Variants in DNAH12 observed in about 807,000 individuals in gnomAD.
The protein encoded by DNAH12 is dynein axonemal heavy chain 12, also known as axonemal beta dynein heavy chain 12.
DNAH12 carries 285 observed loss-of-function variants against 371.5 expected under a neutral mutation model. That is an observed-to-expected ratio of 0.77 (90% confidence interval 0.70 to 0.85). The LOEUF is 0.85. DNAH12 is among the 40% of genes least tolerant of loss of function. DNAH12 has a pLI of 0.00. For synonymous variants in DNAH12, 1,200 were observed against 1,213.0 expected, an observed-to-expected ratio of 0.99 and a Z score of 0.22; for missense variants, 3,611 against 3,689.4, an observed-to-expected ratio of 0.98 and a Z score of 0.55.
chr3:57,412,444 A>AC (rs1312271866), intron 39 of DNAH12, among the ~76,000 whole-genome samples: 1 of 152,238 alleles, frequency 6.6e-6, no homozygotes, highest in Non-Finnish European at 1.5e-5. Context: ...GAGAAACTGG[A>AC]CTTCATTAAA....
chr3:57,390,424 A>AAAAAAAAAAATATATATATATATATATAT, intron 45 of DNAH12, among the ~76,000 whole-genome samples: 3 of 33,438 alleles, frequency 9.0e-5, no homozygotes, highest in Non-Finnish European at 1.4e-4. Flanking sequence ...AAAAAAAAAA[A>AAAAAAAAAAATATATATATATATATATAT]ATATATATAT....
chr3:57,422,619 A>C (rs925582794), intron 35 of DNAH12, among the ~76,000 whole-genome samples: 8 of 152,256 alleles, frequency 5.3e-5, no homozygotes, highest in African/African-American at 1.7e-4. Flanking sequence ...CCTGGGCAAC[A>C]TAGTAAGACC....
intron 60 of DNAH12, among the ~76,000 whole-genome samples, chr3:57,349,052 T>TGGGAGA (rs1228825142): frequency 6.6e-6 from 1 of 151,454 alleles, no homozygotes; most frequent in Non-Finnish European, 1.5e-5. Flanking sequence ...ATCCACAGAG[T>TGGGAGA]GGGAGAAAAT....
In DNAH12 at chr3:57,523,705, A is replaced by G. The variant is rs886568899; in HGVS notation, c.253-96T>C. Reference sequence around the variant, plus strand: ...TTAAATATATAGTTTAAATATATCTATTATTCCTTTTAAAAACATCAGTTA... The same window carrying G: ...TTAAATATATAGTTTAAATATATCTGTTATTCCTTTTAAAAACATCAGTTA... On this transcript the variant is annotated intron_variant, in intron 3 of 73. Transcript: ENST00000495027. 3.5e-5 allele frequency: 45 copies of G among 1,285,430 alleles called. No individual in the cohort carries two copies. In the African/African-American group the frequency reaches 6.3e-4, roughly 18 times the overall value. The allele number at this position is 1,285,430 out of a possible 1,614,324, so 79.6% of individuals were successfully genotyped here.
chr3:57,429,630 T>C (rs527917748), intron 33 of DNAH12, 61 bp downstream of exon 33: 15 of 1,433,274 alleles, frequency 1.0e-5, no homozygotes, highest in African/African-American at 8.7e-5. Context: ...AAAATACTTA[T>C]TGGCTAAATT....
Position 57,507,848 on chromosome 3 carries a change from A to T in DNAH12, c.702-10T>A. The T allele has an allele frequency of 6.4e-7, 1 of 1,555,998 alleles. No homozygotes were observed. The highest frequency in any genetic ancestry group is 8.6e-7 in the Non-Finnish European group (1 of 1,162,586). On this transcript the variant is annotated splice_polypyrimidine_tract_variant and intron_variant, in intron 7 of 73. Transcript: ENST00000495027. ...AATTGGACCTTTAGCTCTATTTATG[A>T]GAAAAAGAAATGTGATTTGAAGCAA...
At chr3:57,471,931 C>T (rs1216536920) in intron 14 of DNAH12, among the ~76,000 whole-genome samples, 4 of 152,012 alleles carry the variant, frequency 2.6e-5, no homozygotes, top group Non-Finnish European at 5.9e-5. Context: ...TATATTATTA[C>T]TGGTATTATT....
rs142106368 is a variant in DNAH12 at position 57,348,566 on chromosome 3, T to G, written c.9674+3519A>C. 5.2e-3 allele frequency among the ~76,000 whole-genome samples: 790 copies of G among 152,268 alleles called. 9 individuals carry two copies. Among genetic ancestry groups the G allele is most frequent in the African/African-American group, 0.018 (765 of 41,548 alleles). On this transcript the variant is annotated intron_variant, in intron 60 of 73. Coordinates refer to ENST00000495027, the MANE Select transcript of DNAH12 (RefSeq NM_001366028.2). ...CAAATATATCACTCTGGTAAGGGGTTTTGTTAGTGCAGGAGGTTGTACATA... is the reference window on the plus strand; with the variant it reads ...CAAATATATCACTCTGGTAAGGGGTGTTGTTAGTGCAGGAGGTTGTACATA...
At chr3:57,296,718 G>T in intron 71 of DNAH12, 129 bp downstream of exon 71, 1 of 1,140,254 alleles carries the variant, frequency 8.8e-7, no homozygotes, top group Non-Finnish European at 1.2e-6. Context: ...CTAAGGGATA[G>T]CAAGACAAAT....
At position 57,300,054 on chromosome 3, in the gene DNAH12, T is replaced by C. The variant is rs1349669463; in HGVS notation, c.11394+1681A>G. On this transcript the variant is annotated intron_variant, in intron 70 of 73. Coordinates refer to ENST00000495027, the MANE Select transcript of DNAH12 (RefSeq NM_001366028.2). ...GCCTGTAGCCCGAGCAGCACCACCTTGTTCTGCATAGCCCCTCTAGTACCA... is the reference window on the plus strand; with the variant it reads ...GCCTGTAGCCCGAGCAGCACCACCTCGTTCTGCATAGCCCCTCTAGTACCA... Among the ~76,000 whole-genome samples the C allele has an allele frequency of 3.3e-5, 5 of 152,184 alleles. No individual in the cohort carries two copies. The South Asian group carries it at 8.3e-4, about 25-fold the overall frequency.
chr3:57,458,048 C>T (rs1284817998), intron 21 of DNAH12, 45 bp from the exon 22 acceptor site: 1 of 1,537,914 alleles, frequency 6.5e-7, no homozygotes, highest in African/African-American at 1.4e-5. Context: ...TATAATTCAT[C>T]ACACATAAGA....
chr3:57,370,065 T>C (rs1403400680), intron 55 of DNAH12, among the ~76,000 whole-genome samples: 1 of 152,184 alleles, frequency 6.6e-6, no homozygotes, highest in Non-Finnish European at 1.5e-5. Flanking sequence ...ACATTTGAGA[T>C]CTTTGAGCAG....
intron 36 of DNAH12, among the ~76,000 whole-genome samples, chr3:57,420,037 T>C (rs551042425): frequency 6.6e-6 from 1 of 152,320 alleles, no homozygotes; most frequent in Non-Finnish European, 1.5e-5. Context: ...TTTGTTTCTC[T>C]AACATTATTC....
chr3:57,316,465 G>A (rs925449875), intron 65 of DNAH12, among the ~76,000 whole-genome samples: 5 of 152,062 alleles, frequency 3.3e-5, no homozygotes, highest in African/African-American at 9.7e-5. Flanking sequence ...CTTCCATGAA[G>A]CTTTTTTTCA....
intron 59 of DNAH12, among the ~76,000 whole-genome samples, chr3:57,353,586 C>G (rs1191998923): frequency 3.9e-5 from 6 of 152,110 alleles, no homozygotes; most frequent in African/African-American, 1.2e-4. Flanking sequence ...ACAGAGTAAA[C>G]AGACAGCCTA....
intron 34 of DNAH12, among the ~76,000 whole-genome samples, chr3:57,427,935 T>G (rs1369958677): frequency 3.3e-5 from 5 of 150,530 alleles, no homozygotes; most frequent in African/African-American, 9.8e-5. Flanking sequence ...GTTTTGGGGT[T>G]TTTTTTTTTC....
At chr3:57,371,870 G>GA (rs2063178544) in intron 55 of DNAH12, among the ~76,000 whole-genome samples, 1 of 104,636 alleles carries the variant, frequency 9.6e-6, no homozygotes, top group African/African-American at 3.7e-5. Context: ...CATCTTGAAA[G>GA]AAAAAACAAA....
At chr3:57,540,252 T>C (rs1267762610) in intron 2 of DNAH12, among the ~76,000 whole-genome samples, 3 of 152,010 alleles carry the variant, frequency 2.0e-5, no homozygotes, top group African/African-American at 4.8e-5. Context: ...GGTTTTGCCA[T>C]GTTGGTCAGG....
chr3:57,505,523 C>A (rs981475627), intron 8 of DNAH12, among the ~76,000 whole-genome samples: 1 of 152,054 alleles, frequency 6.6e-6, no homozygotes, highest in African/African-American at 2.4e-5. Flanking sequence ...TCACTGCAAC[C>A]TCTGTCTCCC....
Sources: allele counts gnomAD v4.1 joint callset (sites outside exome capture counted in the v4.1 genomes callset), GRCh38; gene constraint gnomAD v4.1.1; transcripts MANE v1.5; gene names NCBI Gene and HGNC (gene_info 2026-07-23, HGNC 2026-07-21).